The following KCNQ1 variants were observed in gnomAD, a reference collection of about 807,000 sequenced individuals.
KCNQ1 encodes potassium voltage-gated channel subfamily Q member 1.
A neutral mutation model predicts 72.4 loss-of-function variants in KCNQ1; 49 were observed. The ratio of observed to expected loss-of-function variants is 0.68; its 90% CI spans 0.54 to 0.86. KCNQ1 has a LOEUF of 0.86. Among genes scored for constraint, KCNQ1 ranks in the 40% least tolerant of loss-of-function variants. KCNQ1 has a pLI of 0.00. For missense variants in KCNQ1, 790 were observed against 945.1 expected (o/e 0.84, Z 2.15); for synonymous variants, 450 against 412.6 (o/e 1.09, Z -1.10).
In KCNQ1 at chr11:2,691,384, G is replaced by A; in HGVS notation, c.1514+29303G>A. On this transcript the variant is annotated intron_variant, in intron 11 of 15. Coordinates refer to ENST00000155840, the MANE Select transcript of KCNQ1 (RefSeq NM_000218.3). This position sits in a 1 kb window ranked among gnomAD's most constrained non-coding sequence, Gnocchi z 6.4. ...ATCTTGGGCTCAGGCCTCTGGGTCTGGGCATAGAAGCCCAGGAACTGCTGT... is the reference window on the plus strand; with the variant it reads ...ATCTTGGGCTCAGGCCTCTGGGTCTAGGCATAGAAGCCCAGGAACTGCTGT... 1 of 398,658 alleles carries A rather than the reference G, an allele frequency of 2.5e-6. No individual in the cohort carries two copies. The allele number at this position is 398,658 out of a possible 1,614,324, so 24.7% of individuals were successfully genotyped here. A position where few individuals can be genotyped will look rare whatever the true frequency, so the allele number is the denominator to read the frequency against.
chr11:2,520,819 G>A (rs529389531), intron 1 of KCNQ1, among the ~76,000 whole-genome samples: 12 of 152,212 alleles, frequency 7.9e-5, no homozygotes, highest in Middle Eastern at 3.4e-3. Context: ...CCTAGAAGTG[G>A]TTTGGGGTTT....
Position 2,645,816 on chromosome 11 carries a change from G to T in KCNQ1, c.1394-16145G>T. 1 of 398,692 alleles carries T rather than the reference G, an allele frequency of 2.5e-6. No homozygotes were observed. Among genetic ancestry groups the T allele is most frequent in the South Asian group, 1.3e-4 (1 of 7,828 alleles). 24.7% of individuals were successfully genotyped at this position (398,692 alleles called of 1,614,324 possible). A position where few individuals can be genotyped will look rare whatever the true frequency, so the allele number is the denominator to read the frequency against. On this transcript the variant is annotated intron_variant, in intron 10 of 15. Coordinates refer to ENST00000155840, the MANE Select transcript of KCNQ1 (RefSeq NM_000218.3). This position sits in a 1 kb window ranked among gnomAD's most constrained non-coding sequence, Gnocchi z 5.8. ...GGTGGGGGTTGGGCTATCAAAATGG[G>T]ACTTTCCTGAAGTTGCCTGAGGATT... is the stretch of plus-strand genomic sequence containing the variant.
rs1209714600 is a variant in KCNQ1 at position 2,767,284 on chromosome 11, A to T, written c.1515-1560A>T. On this transcript the variant is annotated intron_variant, in intron 11 of 15. Coordinates refer to ENST00000155840, the MANE Select transcript of KCNQ1 (RefSeq NM_000218.3). The surrounding 1 kb of genome is among the most constrained non-coding windows in gnomAD (Gnocchi z 4.6). The stretch of plus-strand genomic sequence containing the variant: ...GTTAGCTGAGGCCTCTCTCTTCTCC[A>T]TGTGGCCTCTCTAATCAGCAAGCTT... 6.6e-6 allele frequency among the ~76,000 whole-genome samples: 1 copy of T among 151,958 alleles called. No individual in the cohort carries two copies. Among genetic ancestry groups the T allele is most frequent in the Non-Finnish European group, 1.5e-5 (1 of 68,010 alleles).
intron 15 of KCNQ1, among the ~76,000 whole-genome samples, chr11:2,812,165 A>C (rs1395574549): frequency 6.6e-6 from 1 of 152,170 alleles, no homozygotes; most frequent in African/African-American, 2.4e-5. Context: ...GCTGGTCCCC[A>C]CACAAACTTT....
In KCNQ1 at chr11:2,543,141, A is replaced by G. The variant is rs1366626750; in HGVS notation, c.477+15123A>G. On this transcript the variant is annotated intron_variant, in intron 2 of 15. Transcript: ENST00000155840. The surrounding 1 kb of genome is among the most constrained non-coding windows in gnomAD (Gnocchi z 5.6). Reference sequence around the variant, plus strand: ...CATCTTTGGTGACATATCTTTTTAAATGTTTCACCCATTGTAAAATTGGGC... The same window carrying G: ...CATCTTTGGTGACATATCTTTTTAAGTGTTTCACCCATTGTAAAATTGGGC... 6.6e-6 allele frequency among the ~76,000 whole-genome samples: 1 copy of G among 152,162 alleles called. No individual in the cohort carries two copies. Among genetic ancestry groups the G allele is most frequent in the Non-Finnish European group, 1.5e-5 (1 of 68,042 alleles).
In KCNQ1 at chr11:2,661,042, T is replaced by C. The variant is rs1590014040; in HGVS notation, c.1394-919T>C. On this transcript the variant is annotated intron_variant, in intron 10 of 15. Coordinates refer to ENST00000155840, the MANE Select transcript of KCNQ1 (RefSeq NM_000218.3). This position sits in a 1 kb window ranked among gnomAD's most constrained non-coding sequence, Gnocchi z 5.9. ...CCTAGAGAAAAATGAAATGAGCTTA[T>C]GTTACAGAGTGACAGGAACAGAGTC... 1 of 398,420 alleles carries C rather than the reference T, an allele frequency of 2.5e-6. No individual in the cohort carries two copies. The highest frequency in any genetic ancestry group is 3.6e-5 in the East Asian group (1 of 28,090). The allele number at this position is 398,420 out of a possible 1,614,324, so 24.7% of individuals were successfully genotyped here. A position where few individuals can be genotyped will look rare whatever the true frequency, so the allele number is the denominator to read the frequency against.
At chr11:2,568,625 A>G (rs1564819351) in intron 2 of KCNQ1, among the ~76,000 whole-genome samples, 1 of 152,198 alleles carries the variant, frequency 6.6e-6, no homozygotes, top group Admixed American at 6.5e-5. Context: ...GGCTCATTGG[A>G]ATAGTCATTT....
intron 1 of KCNQ1, among the ~76,000 whole-genome samples, chr11:2,499,247 A>G (rs1367980237): frequency 6.6e-6 from 1 of 152,222 alleles, no homozygotes; most frequent in East Asian, 1.9e-4. Context: ...TCATCAGTTT[A>G]AAATAATGAG....
At chr11:2,582,592 C>T (rs1848516947) in intron 6 of KCNQ1, among the ~76,000 whole-genome samples, 1 of 152,216 alleles carries the variant, frequency 6.6e-6, no homozygotes, top group Non-Finnish European at 1.5e-5. Context: ...GCAAAGACCT[C>T]CCGCAGCCAC....
At chr11:2,632,607 A>G in intron 10 of KCNQ1, 1 of 398,404 alleles carries the variant, frequency 2.5e-6, no homozygotes. Context: ...ATAATGTGTC[A>G]TAATCAAATC....
intron 1 of KCNQ1, among the ~76,000 whole-genome samples, chr11:2,512,091 G>T (rs527779674): frequency 2.7e-4 from 41 of 152,344 alleles, no homozygotes; most frequent in African/African-American, 9.1e-4. Flanking sequence ...TCATCCCAGG[G>T]TTAGGTGCCT....
chr11:2,712,355 C>T lies in KCNQ1; in HGVS notation c.1514+50274C>T, dbSNP rs1851020212. On this transcript the variant is annotated intron_variant, in intron 11 of 15. Coordinates refer to ENST00000155840, the MANE Select transcript of KCNQ1 (RefSeq NM_000218.3). This position sits in a 1 kb window ranked among gnomAD's most constrained non-coding sequence, Gnocchi z 6.4. ...GGCCTCAGGAGATCATCACAACCCT[C>T]GCTGGGGCTGGGGTGCAAATGGGGC... Among the ~76,000 whole-genome samples the T allele has an allele frequency of 1.3e-5, 2 of 152,078 alleles. No homozygotes were observed. Among genetic ancestry groups the T allele is most frequent in the Admixed American group, 6.5e-5 (1 of 15,268 alleles).
intron 14 of KCNQ1, chr11:2,777,631 GC>G (rs1287363474): frequency 1.4e-5 from 8 of 585,322 alleles, no homozygotes; most frequent in Admixed American, 1.3e-4. Flanking sequence ...GAATGGCTGT[GC>G]CCCCAGCCTG....
At chr11:2,455,303 T>C (rs1263207562) in intron 1 of KCNQ1, among the ~76,000 whole-genome samples, 1 of 151,696 alleles carries the variant, frequency 6.6e-6, no homozygotes, top group Admixed American at 6.6e-5. Flanking sequence ...TTTCACCGTG[T>C]TAGCCAGGAT....
intron 1 of KCNQ1, among the ~76,000 whole-genome samples, chr11:2,476,062 C>T (rs953356519): frequency 4.6e-5 from 7 of 152,140 alleles, no homozygotes; most frequent in Non-Finnish European, 8.8e-5. Flanking sequence ...ATCACCTCTT[C>T]GAGTCTCTGG....
intron 2 of KCNQ1, among the ~76,000 whole-genome samples, chr11:2,555,744 T>C (rs1231701505): frequency 6.6e-6 from 1 of 152,226 alleles, no homozygotes; most frequent in Non-Finnish European, 1.5e-5. Context: ...CCCTGGGCCT[T>C]TTCTTCTGGT....
intron 1 of KCNQ1, among the ~76,000 whole-genome samples, chr11:2,510,432 C>A (rs957469246): frequency 1.3e-5 from 2 of 152,026 alleles, no homozygotes; most frequent in Non-Finnish European, 2.9e-5. Flanking sequence ...CATGGTGAAA[C>A]CCCGTCTCTA....
intron 15 of KCNQ1, among the ~76,000 whole-genome samples, chr11:2,822,701 G>T (rs373881934): frequency 6.6e-6 from 1 of 152,134 alleles, no homozygotes; most frequent in East Asian, 1.9e-4. Context: ...GGCTGAACAC[G>T]GGCCAAAGGA....
Position 2,471,620 on chromosome 11 carries a change from G to A in KCNQ1, c.386+26136G>A, listed in dbSNP as rs1846459254. Among the ~76,000 whole-genome samples, 1 of 151,782 alleles carries A rather than the reference G, an allele frequency of 6.6e-6. No individual in the cohort carries two copies. The highest frequency in any genetic ancestry group is 2.4e-5 in the African/African-American group (1 of 41,350). On this transcript the variant is annotated intron_variant, in intron 1 of 15. Transcript: ENST00000155840. The surrounding 1 kb of genome is among the most constrained non-coding windows in gnomAD (Gnocchi z 4.8). ...CGTGTGCACCTGTGTATATGGGTGT[G>A]TGCACGTATGCACGGATGTGTGTAC...
Sources: gnomAD v4.1 joint callset for allele counts (sites outside exome capture counted in the v4.1 genomes callset) on GRCh38, gnomAD v4.1.1 for gene constraint, Gnocchi (gnomAD v3.1) non-coding constraint, MANE v1.5 for transcripts, NCBI Gene and HGNC (gene_info 2026-07-23, HGNC 2026-07-21) for gene names.